The following GRIP1 variants were observed in gnomAD, a reference collection of about 807,000 sequenced individuals.
GRIP1 encodes glutamate receptor interacting protein 1.
Under a neutral mutation model 129.9 loss-of-function variants are expected in GRIP1, and 45 were observed. The ratio of observed to expected loss-of-function variants is 0.35; its 90% CI spans 0.27 to 0.44. GRIP1 has a LOEUF of 0.44. Among genes scored for constraint, GRIP1 ranks in the 20% least tolerant of loss-of-function variants. GRIP1 has a pLI of 1.00. For missense variants in GRIP1, 1,196 were observed against 1,396.8 expected (o/e 0.86, Z 2.29); for synonymous variants, 530 against 520.8 (o/e 1.02, Z -0.24).
chr12:66,841,916 A>G (rs980416826), intron 1 of GRIP1, among the ~76,000 whole-genome samples: 1 of 152,208 alleles, frequency 6.6e-6, no homozygotes, highest in African/African-American at 2.4e-5. Flanking sequence ...AAAAATACAG[A>G]TTTTAAAAAT....
At chr12:66,702,228 C>A (rs895942745) in intron 1 of GRIP1, among the ~76,000 whole-genome samples, 2 of 152,126 alleles carry the variant, frequency 1.3e-5, no homozygotes, top group African/African-American at 4.8e-5. Context: ...AGGCAAGCAC[C>A]AGATGCATTT....
chr12:66,916,934 ATAGCAG>A lies in GRIP1; in HGVS notation c.58+152110_58+152115del, dbSNP rs1417129863. Among the ~76,000 whole-genome samples the A allele has an allele frequency of 7.9e-5, 12 of 152,346 alleles. 1 individual carries two copies. The highest frequency in any genetic ancestry group is 2.9e-4 in the African/African-American group (12 of 41,588). The stretch of plus-strand genomic sequence containing the variant: ...GTGTTCAATATAAGATAAACATCAT[ATAGCAG>A]TAGGAATACATCTTTATAAAATAAA... On this transcript the variant is annotated intron_variant, in intron 1 of 1. Transcript: ENST00000643019.
chr12:66,459,973 T>C (rs1267791594), intron 9 of GRIP1, among the ~76,000 whole-genome samples: 3 of 152,214 alleles, frequency 2.0e-5, no homozygotes, highest in Non-Finnish European at 4.4e-5. Flanking sequence ...CACTGATTAC[T>C]TATTATATAC....
intron 2 of GRIP1, among the ~76,000 whole-genome samples, chr12:66,594,666 G>C (rs1439444452): frequency 1.3e-5 from 2 of 152,024 alleles, no homozygotes; most frequent in Non-Finnish European, 2.9e-5. Context: ...ACCACTTCAG[G>C]ATTTTTCATT....
intron 1 of GRIP1, among the ~76,000 whole-genome samples, chr12:66,866,371 G>A (rs1039516626): frequency 3.3e-5 from 5 of 152,102 alleles, no homozygotes; most frequent in African/African-American, 9.7e-5. Flanking sequence ...TACTTGGGAG[G>A]CTAAGGCAAG....
chr12:66,397,492 G>A (rs6581680), intron 16 of GRIP1, among the ~76,000 whole-genome samples: 136,975 of 151,082 alleles, frequency 0.91, 63,582 homozygotes, highest in East Asian at 1. Context: ...CAGGGTGAGT[G>A]ACACAGCAAG....
chr12:66,790,948 A>G lies in GRIP1; in HGVS notation c.-420+13105T>C, dbSNP rs1053579205. Reference sequence around the variant, plus strand: ...GAGAGGCTGGAGGACTGGAAAGAAGATGGGTCACAGAAGCCAAGACAGGAA... The same window carrying G: ...GAGAGGCTGGAGGACTGGAAAGAAGGTGGGTCACAGAAGCCAAGACAGGAA... On this transcript the variant is annotated intron_variant, in intron 1 of 4. Transcript: ENST00000538373. Among the ~76,000 whole-genome samples the G allele has an allele frequency of 3.3e-5, 5 of 152,160 alleles. No individual in the cohort carries two copies. The East Asian group carries it at 9.6e-4, about 29-fold the overall frequency.
intron 1 of GRIP1, among the ~76,000 whole-genome samples, chr12:66,867,908 G>A (rs1246423173): frequency 6.6e-6 from 1 of 152,078 alleles, no homozygotes; most frequent in Admixed American, 6.6e-5. Context: ...ATAGAAAGAC[G>A]TGCAGAAAAG....
At chr12:67,060,824 CAAA>C (rs11300344) in intron 1 of GRIP1, among the ~76,000 whole-genome samples, 106 of 104,728 alleles carry the variant, frequency 1.0e-3, no homozygotes, top group African/African-American at 2.8e-3. Context: ...AACTCCGTCT[CAAA>C]AAAAAAAAAA....
chr12:66,949,766 T>C (rs947267378), intron 1 of GRIP1, among the ~76,000 whole-genome samples: 1 of 135,936 alleles, frequency 7.4e-6, no homozygotes, highest in East Asian at 2.1e-4. Flanking sequence ...CCTCCTTTTT[T>C]TTTTTTTTTT....
chr12:66,369,741 G>A (rs529448520), intron 23 of GRIP1, among the ~76,000 whole-genome samples: 4 of 152,226 alleles, frequency 2.6e-5, no homozygotes, highest in Admixed American at 2.0e-4. Context: ...ACAGGTACCC[G>A]AGGGAACCCG....
chr12:66,876,101 G>A (rs1185995172), intron 1 of GRIP1, among the ~76,000 whole-genome samples: 1 of 151,798 alleles, frequency 6.6e-6, no homozygotes, highest in Non-Finnish European at 1.5e-5. Context: ...AGAAAAGTAT[G>A]AGCACTTAAA....
chr12:66,350,158 C>T (rs2054157128), intron 24 of GRIP1, among the ~76,000 whole-genome samples: 1 of 152,052 alleles, frequency 6.6e-6, no homozygotes, highest in African/African-American at 2.4e-5. Flanking sequence ...ATTTTAACTG[C>T]TCGCTTTCAG....
intron 1 of GRIP1, among the ~76,000 whole-genome samples, chr12:66,760,847 CTT>C (rs758075509): frequency 1.9e-4 from 27 of 143,932 alleles, no homozygotes; most frequent in Admixed American, 2.8e-4. Flanking sequence ...TAGTTAGTAT[CTT>C]TTTTTTTTTT....
chr12:66,800,334 T>C lies in GRIP1; in HGVS notation c.-420+3719A>G, dbSNP rs1256020194. ...GGAAGACCAAGAACAGCAGTTACCA[T>C]GGAGGAGTCCCACTCCTAATTCCAT... On this transcript the variant is annotated intron_variant, in intron 1 of 4. Coordinates refer to the GRIP1 transcript ENST00000538373. Among the ~76,000 whole-genome samples the C allele has an allele frequency of 2.0e-5, 3 of 152,250 alleles. No homozygotes were observed. In the South Asian group the frequency reaches 6.2e-4, roughly 32 times the overall value.
chr12:66,757,947 T>C (rs753823781), intron 1 of GRIP1, among the ~76,000 whole-genome samples: 12 of 152,230 alleles, frequency 7.9e-5, no homozygotes, highest in East Asian at 3.9e-4. Flanking sequence ...AAAAGCCTCA[T>C]TGATGCATAA....
At chr12:66,586,208 C>G (rs7970852) in intron 2 of GRIP1, among the ~76,000 whole-genome samples, 2 of 152,068 alleles carry the variant, frequency 1.3e-5, no homozygotes, top group African/African-American at 2.4e-5. Flanking sequence ...ACCTTTTCAC[C>G]GAATCTATTT....
intron 1 of GRIP1, among the ~76,000 whole-genome samples, chr12:66,800,530 T>C (rs375743634): frequency 1.3e-5 from 2 of 152,182 alleles, no homozygotes; most frequent in South Asian, 2.1e-4. Flanking sequence ...TTCTTTAATA[T>C]ACATTATCTG....
intron 1 of GRIP1, among the ~76,000 whole-genome samples, chr12:66,644,895 T>C (rs561981133): frequency 1.3e-5 from 2 of 152,356 alleles, no homozygotes; most frequent in South Asian, 4.1e-4. Flanking sequence ...TTTTGTAATG[T>C]ATAATTTTTC....
Sources: gnomAD v4.1 joint callset for allele counts (sites outside exome capture counted in the v4.1 genomes callset) on GRCh38, gnomAD v4.1.1 for gene constraint, MANE v1.5 for transcripts, NCBI Gene and HGNC (gene_info 2026-07-23, HGNC 2026-07-21) for gene names.